TDG: variants seen among roughly 807,000 people sequenced by gnomAD.
TDG encodes the protein G/T mismatch-specific thymine DNA glycosylase.
Under a neutral mutation model 46.1 loss-of-function variants are expected in TDG, and 23 were observed. That is an observed-to-expected ratio of 0.50 (90% CI 0.36 to 0.71). The LOEUF is 0.71. Among genes scored for constraint, TDG ranks in the 30% least tolerant of loss-of-function variants. The pLI is 0.00. For missense variants in TDG, 304 were observed against 486.7 expected (o/e 0.62, Z 3.53); for synonymous variants, 115 against 161.3 (o/e 0.71, Z 2.18).
intron 4 of TDG, among the ~76,000 whole-genome samples, chr12:103,981,222 A>G (rs1189361288): frequency 8.2e-6 from 1 of 122,204 alleles, no homozygotes; most frequent in African/African-American, 3.1e-5. Context: ...AATGAGTTGT[A>G]CTACTTTTTT....
intron 5 of TDG, 34 bp downstream of exon 5, chr12:103,982,968 A>G (rs1871931419): frequency 6.2e-7 from 1 of 1,610,728 alleles, no homozygotes; most frequent in South Asian, 1.1e-5. Flanking sequence ...ATGGGTTGGA[A>G]CCTTGAGTAT....
chr12:103,973,384 C>T (rs1419549509), intron 1 of TDG, among the ~76,000 whole-genome samples: 2 of 152,126 alleles, frequency 1.3e-5, no homozygotes, highest in African/African-American at 2.4e-5. Context: ...TGCACCCAGC[C>T]ACATCTCATG....
chr12:103,973,715 G>A lies in TDG; in HGVS notation c.24-3203G>A, dbSNP rs4135073. On this transcript the variant is annotated intron_variant, in intron 1 of 9. Coordinates refer to ENST00000392872, the MANE Select transcript of TDG (RefSeq NM_003211.6). Reference sequence around the variant, plus strand: ...TACTTTGTGCCAGGTATGCTTCTAAGCATAGTTCTACATCTTAACTTCTAG... The same window carrying A: ...TACTTTGTGCCAGGTATGCTTCTAAACATAGTTCTACATCTTAACTTCTAG... Among the ~76,000 whole-genome samples, 1,340 of 152,222 alleles carry A rather than the reference G, an allele frequency of 8.8e-3. 24 individuals are homozygous for A. Among genetic ancestry groups the A allele is most frequent in the African/African-American group, 0.03 (1,261 of 41,544 alleles).
chr12:103,972,975 A>G lies in TDG; in HGVS notation c.24-3943A>G. 7 of 702,082 alleles carry G rather than the reference A, an allele frequency of 1.0e-5. No homozygotes were observed. In the South Asian group the frequency reaches 1.0e-4, roughly 10 times the overall value. The allele number at this position is 702,082 out of a possible 1,614,324, so 43.5% of individuals were successfully genotyped here. A position where few individuals can be genotyped will look rare whatever the true frequency, so the allele number is the denominator to read the frequency against. ...GTATTTTCAGTTTGCATTTTCATGA[A>G]GTGCTCAAAATGGGACATGTGAAAT... is the stretch of plus-strand genomic sequence containing the variant. On this transcript the variant is annotated intron_variant, in intron 1 of 9. Transcript: ENST00000392872.
intron 1 of TDG, among the ~76,000 whole-genome samples, chr12:103,973,546 T>C (rs1871374894): frequency 6.6e-6 from 1 of 152,200 alleles, no homozygotes; most frequent in Non-Finnish European, 1.5e-5. Flanking sequence ...GGACCACTGC[T>C]CAAGACTTCC....
At chr12:103,979,289 G>T (rs1181153597) in intron 2 of TDG, among the ~76,000 whole-genome samples, 2 of 151,730 alleles carry the variant, frequency 1.3e-5, no homozygotes, top group African/African-American at 2.4e-5. Context: ...TTTTAGTAAA[G>T]ACGGGGGTTT....
Position 103,982,365 on chromosome 12 carries a change from G to A in TDG, c.479-434G>A, listed in dbSNP as rs943277557. ...AGGTGGTGGTATCACCAATTGTAAA[G>A]CAAAATAGTCTCAAAGTTTCCTAAA... On this transcript the variant is annotated intron_variant, in intron 4 of 9. Transcript: ENST00000392872. Among the ~76,000 whole-genome samples the A allele has an allele frequency of 2.0e-5, 3 of 152,172 alleles. No individual in the cohort carries two copies. The South Asian group carries it at 6.2e-4, about 32-fold the overall frequency.
chr12:103,977,447 C>T (rs4135087), intron 2 of TDG, among the ~76,000 whole-genome samples: 12,812 of 152,098 alleles, frequency 0.084, 836 homozygotes, highest in East Asian at 0.31. Context: ...GAGGCTTCAT[C>T]CCGATAAAGA....
intron 1 of TDG, among the ~76,000 whole-genome samples, chr12:103,975,823 G>A (rs1448905212): frequency 6.6e-6 from 1 of 151,852 alleles, no homozygotes; most frequent in East Asian, 1.9e-4. Context: ...CACTGTGCCC[G>A]GCTAATTTTT....
chr12:103,983,069 T>C (rs1484366536), intron 5 of TDG, 67 bp from the exon 6 acceptor site: 3 of 1,551,910 alleles, frequency 1.9e-6, no homozygotes, highest in Non-Finnish European at 1.7e-6. Context: ...TTGAAAGCTG[T>C]CTGAATTTAG....
In TDG at chr12:103,982,852, G is replaced by T. The variant is rs765346367; in HGVS notation, c.532G>T (p.Asp178Tyr). The change falls in exon 5 of 10, where the codon GAT (aspartate) becomes TAT (tyrosine). Residue 178 changes from aspartate to tyrosine, a missense_variant. Physicochemically the swap from Asp to Tyr is radical, Grantham distance 160 (BLOSUM62 -3). Coordinates refer to ENST00000392872, the MANE Select transcript of TDG (RefSeq NM_003211.6). The stretch of plus-strand genomic sequence containing the variant: ...TGAGGTCCAGCTGAACCATATGGAT[G>T]ATCACACTCTACCAGGGAAGTATGG... ...LSEVQLNHMD[D>Y]HTLPGKYGIG... is the part of the protein sequence containing the mutation. The T allele has an allele frequency of 6.2e-7, 1 of 1,614,018 alleles. No individual in the cohort carries two copies. Among genetic ancestry groups the T allele is most frequent in the East Asian group, 2.2e-5 (1 of 44,884 alleles).
chr12:103,978,869 G>A (rs1871667835), intron 2 of TDG, among the ~76,000 whole-genome samples: 1 of 152,040 alleles, frequency 6.6e-6, no homozygotes, highest in Non-Finnish European at 1.5e-5. Flanking sequence ...ATTCTGTAAT[G>A]TGCAGTACAG....
At chr12:103,985,020 T>C in intron 8 of TDG, 100 bp downstream of exon 8, 3 of 984,066 alleles carry the variant, frequency 3.0e-6, no homozygotes, top group South Asian at 5.0e-5. Flanking sequence ...CATATACACA[T>C]ATACATATGT....
intron 1 of TDG, among the ~76,000 whole-genome samples, chr12:103,976,408 C>CCACACACACACA (rs144717913): frequency 0.014 from 2,029 of 147,494 alleles, 52 homozygotes; most frequent in African/African-American, 0.046. Context: ...CCCTGTCTCC[C>CCACACACACACA]CACACACACA....
intron 4 of TDG, among the ~76,000 whole-genome samples, chr12:103,981,442 T>C (rs938949525): frequency 6.6e-6 from 1 of 151,888 alleles, no homozygotes; most frequent in Non-Finnish European, 1.5e-5. Flanking sequence ...TCCATGTTGG[T>C]CAGGCTGGTC....
Position 103,973,110 on chromosome 12 carries a change from G to A in TDG, c.24-3808G>A, listed in dbSNP as rs1362974174. The stretch of plus-strand genomic sequence containing the variant: ...CATTTTTTTTTTTTTTTGAGACGGA[G>A]TTTCGCTCTTGTTGTCCAGGCTGGA... On this transcript the variant is annotated intron_variant, in intron 1 of 9. Transcript: ENST00000392872. 11 of 266,686 alleles carry A rather than the reference G, an allele frequency of 4.1e-5. No individual in the cohort carries two copies. The East Asian group carries it at 4.4e-4, about 11-fold the overall frequency. 16.5% of individuals were successfully genotyped at this position (266,686 alleles called of 1,614,324 possible).
chr12:103,971,662 A>G (rs891680249), intron 1 of TDG, among the ~76,000 whole-genome samples: 2 of 152,194 alleles, frequency 1.3e-5, no homozygotes, highest in Admixed American at 6.5e-5. Flanking sequence ...GTAAACAGGA[A>G]AATGAGGGAG....
intron 6 of TDG, 22 bp from the exon 7 acceptor site, chr12:103,983,273 A>G: frequency 6.4e-7 from 1 of 1,571,310 alleles, no homozygotes; most frequent in Non-Finnish European, 8.6e-7. Flanking sequence ...GGCAATGTAA[A>G]TATGTTTGTA....
chr12:103,970,779 T>A (rs990818510), intron 1 of TDG, among the ~76,000 whole-genome samples: 1 of 151,802 alleles, frequency 6.6e-6, no homozygotes, highest in Non-Finnish European at 1.5e-5. Flanking sequence ...AATAAAAAAA[T>A]AGCAAATCTG....
Sources: gnomAD v4.1 joint callset for allele counts (sites outside exome capture counted in the v4.1 genomes callset) on GRCh38, gnomAD v4.1.1 for gene constraint, MANE v1.5 for transcripts, NCBI Gene and HGNC (gene_info 2026-07-23, HGNC 2026-07-21) for gene names.